The following EGFR variants were observed in gnomAD, a reference collection of about 807,000 sequenced individuals.
EGFR encodes avian erythroblastic leukemia viral (v-erb-b) oncogene homolog.
EGFR carries 58 observed loss-of-function variants against 143.0 expected under a neutral mutation model. The observed-to-expected ratio is 0.41, with a 90% confidence interval of 0.33 to 0.50. EGFR has a LOEUF of 0.50. Ranked by LOEUF, EGFR falls within the 20% of genes least tolerant of loss-of-function variation. The pLI is 0.39. For synonymous variants in EGFR, 613 were observed against 594.4 expected (o/e 1.03, Z -0.45); for missense variants, 1,307 against 1,579.0 (o/e 0.83, Z 2.92).
chr7:55,130,614 G>A (rs932138894), intron 1 of EGFR, among the ~76,000 whole-genome samples: 1 of 152,172 alleles, frequency 6.6e-6, no homozygotes, highest in Non-Finnish European at 1.5e-5. Context: ...AGTGAGAAGA[G>A]GGCTCATTTT....
At chr7:55,058,844 T>A (rs759607247) in intron 1 of EGFR, among the ~76,000 whole-genome samples, 6 of 152,182 alleles carry the variant, frequency 3.9e-5, no homozygotes, top group Admixed American at 6.5e-5. Context: ...AAAAAATTTT[T>A]AAAAAGATGC....
chr7:55,048,458 G>C (rs1019553191), intron 1 of EGFR, among the ~76,000 whole-genome samples: 1 of 152,202 alleles, frequency 6.6e-6, no homozygotes, highest in Non-Finnish European at 1.5e-5. Context: ...ATGCATACCT[G>C]CATCTTTTTT....
chr7:55,114,363 G>A (rs924642067), intron 1 of EGFR, among the ~76,000 whole-genome samples: 2 of 152,160 alleles, frequency 1.3e-5, no homozygotes, highest in African/African-American at 2.4e-5. Flanking sequence ...GCACATGCCT[G>A]TAGTCCCAGC....
At chr7:55,190,499 TC>T (rs1223727018) in intron 20 of EGFR, among the ~76,000 whole-genome samples, 3 of 152,046 alleles carry the variant, frequency 2.0e-5, no homozygotes, top group African/African-American at 7.2e-5. Flanking sequence ...CAAATCATTT[TC>T]ACATAATATT....
At chr7:55,031,080 G>C (rs1787216529) in intron 1 of EGFR, among the ~76,000 whole-genome samples, 1 of 152,168 alleles carries the variant, frequency 6.6e-6, no homozygotes, top group Non-Finnish European at 1.5e-5. Context: ...TTTCCCAAAA[G>C]CAATTTTCTA....
intron 18 of EGFR, 114 bp from the exon 19 acceptor site, chr7:55,174,608 C>A (rs1038609203): frequency 1.1e-6 from 1 of 917,238 alleles, no homozygotes; most frequent in South Asian, 1.3e-5. Flanking sequence ...TCCACAGCCC[C>A]AGTGTCCCTC....
intron 22 of EGFR, among the ~76,000 whole-genome samples, chr7:55,195,107 C>T (rs1450160598): frequency 6.6e-6 from 1 of 152,218 alleles, no homozygotes; most frequent in Non-Finnish European, 1.5e-5. Context: ...TAGAATTCAT[C>T]ATACATGTTT....
intron 1 of EGFR, among the ~76,000 whole-genome samples, chr7:55,139,868 A>G (rs968818953): frequency 6.6e-6 from 1 of 152,150 alleles, no homozygotes; most frequent in East Asian, 1.9e-4. Context: ...TAAGATTTAC[A>G]TCAAGAATAT....
At chr7:55,151,176 G>T in intron 4 of EGFR, 118 bp from the exon 5 acceptor site, 1 of 1,021,894 alleles carries the variant, frequency 9.8e-7, no homozygotes, top group Admixed American at 1.7e-5. Context: ...AACAATCAGA[G>T]AATAAGTTGA....
intron 1 of EGFR, among the ~76,000 whole-genome samples, chr7:55,079,873 G>A (rs1488584725): frequency 6.6e-6 from 1 of 152,226 alleles, no homozygotes; most frequent in Non-Finnish European, 1.5e-5. Context: ...TGTATGTGCT[G>A]AGCATTCCTT....
intron 1 of EGFR, among the ~76,000 whole-genome samples, chr7:55,059,501 G>C (rs911797461): frequency 6.6e-6 from 1 of 151,850 alleles, no homozygotes; most frequent in African/African-American, 2.4e-5. Flanking sequence ...TTGCGTTAGG[G>C]GTCATTCTTG....
At chr7:55,115,261 G>C (rs1193581605) in intron 1 of EGFR, among the ~76,000 whole-genome samples, 1 of 152,062 alleles carries the variant, frequency 6.6e-6, no homozygotes, top group South Asian at 2.1e-4. Context: ...AGTGAGCCAG[G>C]CACTCACATA....
chr7:55,201,692 T>C, intron 25 of EGFR, 43 bp from the exon 26 acceptor site: 1 of 1,612,154 alleles, frequency 6.2e-7, no homozygotes. Context: ...GGATGAGATG[T>C]GGTACAAGCA....
chr7:55,106,269 C>T (rs1035335927), intron 1 of EGFR, among the ~76,000 whole-genome samples: 4 of 152,226 alleles, frequency 2.6e-5, no homozygotes, highest in Non-Finnish European at 5.9e-5. Flanking sequence ...CCCAGCAGTA[C>T]GTTGAACAGT....
At chr7:55,067,272 A>G (rs1056537806) in intron 1 of EGFR, among the ~76,000 whole-genome samples, 1 of 146,046 alleles carries the variant, frequency 6.8e-6, no homozygotes, top group African/African-American at 2.8e-5. Context: ...GTCTCCTGCA[A>G]TGCTTTCAAG....
At chr7:55,082,398 C>T (rs1583992406) in intron 1 of EGFR, among the ~76,000 whole-genome samples, 1 of 152,004 alleles carries the variant, frequency 6.6e-6, no homozygotes, top group Non-Finnish European at 1.5e-5. Context: ...TTGTTTGTTT[C>T]CCTTGTCTCC....
chr7:55,202,711 G>T, intron 27 of EGFR, 86 bp downstream of exon 27: 1 of 1,202,858 alleles, frequency 8.3e-7, no homozygotes. Context: ...CAAGCCAGGT[G>T]CTCCCTCCAG....
intron 23 of EGFR, among the ~76,000 whole-genome samples, chr7:55,199,475 T>C (rs539800571): frequency 4.0e-4 from 61 of 152,332 alleles, no homozygotes; most frequent in African/African-American, 1.4e-3. Flanking sequence ...CAAGTTAATG[T>C]AAATATTAAT....
At chr7:55,190,853 T>A (rs925018221) in intron 20 of EGFR, among the ~76,000 whole-genome samples, 1 of 152,188 alleles carries the variant, frequency 6.6e-6, no homozygotes, top group Non-Finnish European at 1.5e-5. Context: ...TGCAGAGAGA[T>A]GCAGGCTGCC....
Sources: gnomAD v4.1 joint callset for allele counts (sites outside exome capture counted in the v4.1 genomes callset) on GRCh38, gnomAD v4.1.1 for gene constraint, MANE v1.5 for transcripts, NCBI Gene and HGNC (gene_info 2026-07-23, HGNC 2026-07-21) for gene names.